Variants in MIR2052HG observed in about 807,000 individuals in gnomAD.
MIR2052HG encodes MIR2052 host gene.
intron 4 of MIR2052HG, among the ~76,000 whole-genome samples, chr8:74,731,499 C>CT (rs1473996043): frequency 6.6e-6 from 1 of 152,210 alleles, no homozygotes; most frequent in South Asian, 2.1e-4. Context: ...ACAAGAAGCC[C>CT]TTTTTAACAG....
intron 2 of MIR2052HG, among the ~76,000 whole-genome samples, chr8:74,658,325 C>T (rs1258017255): frequency 2.7e-5 from 4 of 150,840 alleles, no homozygotes; most frequent in African/African-American, 7.3e-5. Flanking sequence ...AGAATGTATG[C>T]TCCACCAAAG....
At chr8:74,681,895 T>G (rs1192658304) in intron 2 of MIR2052HG, among the ~76,000 whole-genome samples, 1 of 152,148 alleles carries the variant, frequency 6.6e-6, no homozygotes, top group Non-Finnish European at 1.5e-5. Context: ...CATAAGTACA[T>G]GATAATTTGA....
At chr8:74,638,219 A>G (rs1403630657) in intron 2 of MIR2052HG, among the ~76,000 whole-genome samples, 1 of 152,174 alleles carries the variant, frequency 6.6e-6, no homozygotes, top group Non-Finnish European at 1.5e-5. Context: ...TAGGCTAATG[A>G]GAAAGTGTGG....
At chr8:74,637,720 G>A (rs1406479740) in intron 2 of MIR2052HG, among the ~76,000 whole-genome samples, 2 of 152,058 alleles carry the variant, frequency 1.3e-5, no homozygotes, top group Non-Finnish European at 2.9e-5. Flanking sequence ...TTTGTAAGTG[G>A]GACCTCATGT....
At chr8:74,654,433 A>T (rs181075111) in intron 2 of MIR2052HG, among the ~76,000 whole-genome samples, 1 of 152,124 alleles carries the variant, frequency 6.6e-6, no homozygotes, top group African/African-American at 2.4e-5. Context: ...ACCTTGAATT[A>T]TATCTCCCGG....
At chr8:74,669,738 G>T (rs751653663) in intron 2 of MIR2052HG, among the ~76,000 whole-genome samples, 6 of 152,128 alleles carry the variant, frequency 3.9e-5, no homozygotes, top group Non-Finnish European at 8.8e-5. Context: ...CCAAGTATTT[G>T]CTGGGTACTT....
intron 2 of MIR2052HG, among the ~76,000 whole-genome samples, chr8:74,700,732 A>G (rs964582151): frequency 2.0e-5 from 3 of 152,058 alleles, no homozygotes; most frequent in African/African-American, 7.2e-5. Flanking sequence ...GCAATCCTTG[A>G]TGAAAAAATA....
chr8:74,651,454 T>A (rs1808751406), intron 2 of MIR2052HG, among the ~76,000 whole-genome samples: 1 of 152,194 alleles, frequency 6.6e-6, no homozygotes, highest in African/African-American at 2.4e-5. Flanking sequence ...TGTTTTTGTT[T>A]GTAATAAAAT....
intron 4 of MIR2052HG, among the ~76,000 whole-genome samples, chr8:74,730,200 A>G (rs901482108): frequency 1.4e-4 from 21 of 152,268 alleles, no homozygotes; most frequent in African/African-American, 5.1e-4. Flanking sequence ...CAAGGCTACA[A>G]TTTATTCCTA....
At chr8:74,623,030 A>C (rs1808385390) in intron 2 of MIR2052HG, among the ~76,000 whole-genome samples, 1 of 152,210 alleles carries the variant, frequency 6.6e-6, no homozygotes, top group Non-Finnish European at 1.5e-5. Flanking sequence ...CAAAGAACAC[A>C]AATTTCAGTA....
intron 1 of MIR2052HG, among the ~76,000 whole-genome samples, chr8:74,606,971 A>G (rs572743246): frequency 6.6e-6 from 1 of 152,290 alleles, no homozygotes; most frequent in African/African-American, 2.4e-5. Context: ...CAAATTGAAC[A>G]TTACCAATAG....
intron 2 of MIR2052HG, among the ~76,000 whole-genome samples, chr8:74,652,291 T>C (rs1447639519): frequency 6.6e-6 from 1 of 152,206 alleles, no homozygotes; most frequent in Non-Finnish European, 1.5e-5. Flanking sequence ...CTCTGGCCAG[T>C]GAAATATAAG....
At chr8:74,733,100 C>A (rs537016533) in intron 4 of MIR2052HG, among the ~76,000 whole-genome samples, 1 of 151,004 alleles carries the variant, frequency 6.6e-6, no homozygotes, top group African/African-American at 2.4e-5. Context: ...TATTATTATA[C>A]TTTAAGATTT....
At chr8:74,715,728 A>C (rs1340873131) in intron 4 of MIR2052HG, among the ~76,000 whole-genome samples, 1 of 152,200 alleles carries the variant, frequency 6.6e-6, no homozygotes, top group Non-Finnish European at 1.5e-5. Context: ...CCAGGAACAA[A>C]TAGAGCCCCA....
At chr8:74,654,265 A>C (rs75363966) in intron 2 of MIR2052HG, among the ~76,000 whole-genome samples, 4,497 of 152,228 alleles carry the variant, frequency 0.03, 88 homozygotes, top group Middle Eastern at 0.048. Flanking sequence ...TCTTCTTCTC[A>C]TGAGGAATCT....
intron 2 of MIR2052HG, among the ~76,000 whole-genome samples, chr8:74,644,810 G>C (rs1266376308): frequency 6.6e-6 from 1 of 152,044 alleles, no homozygotes; most frequent in Non-Finnish European, 1.5e-5. Flanking sequence ...AGTATCATTT[G>C]AGCCCAGGAG....
chr8:74,622,093 G>A (rs1022506720), intron 2 of MIR2052HG, among the ~76,000 whole-genome samples: 1 of 152,118 alleles, frequency 6.6e-6, no homozygotes, highest in African/African-American at 2.4e-5. Context: ...CGCAAAGAAA[G>A]CAATCAACAG....
At chr8:74,632,882 T>C (rs1808534363) in intron 2 of MIR2052HG, among the ~76,000 whole-genome samples, 1 of 152,192 alleles carries the variant, frequency 6.6e-6, no homozygotes, top group South Asian at 2.1e-4. Context: ...TTTTATGATA[T>C]AGCCAATGAC....
Position 74,603,600 on chromosome 8 carries a change from T to G in MIR2052HG, n.128+3692T>G, listed in dbSNP as rs532938367. 1.4e-5 allele frequency: 21 copies of G among 1,541,080 alleles called. No homozygotes were observed. In the African/African-American group the frequency reaches 2.9e-4, roughly 21 times the overall value. On this transcript the variant is annotated intron_variant and non_coding_transcript_variant, in intron 1 of 6. Transcript: ENST00000523442. ...TCATGGGAAAATGAGACTGTTGCAT[T>G]GCCAACTGGTGCAGCATGGTCAAAT...
Sources: allele counts gnomAD v4.1 joint callset (sites outside exome capture counted in the v4.1 genomes callset), GRCh38; gene constraint gnomAD v4.1.1; transcripts MANE v1.5; gene names NCBI Gene and HGNC (gene_info 2026-07-23, HGNC 2026-07-21).